The following FOXJ2 variants were observed in gnomAD, a reference collection of about 807,000 sequenced individuals.
FOXJ2 encodes the protein forkhead box J2.
In FOXJ2, 18 loss-of-function variants were observed where a neutral mutation model predicts 68.4. That is an observed-to-expected ratio of 0.26 (90% confidence interval 0.18 to 0.39). The LOEUF (loss-of-function observed/expected upper bound fraction) is 0.39. Ranked by LOEUF, FOXJ2 falls within the 10% of genes least tolerant of loss-of-function variation. The pLI, the probability that FOXJ2 is intolerant of heterozygous loss-of-function variation, is 1.00. For synonymous variants in FOXJ2, 274 were observed against 263.2 expected, an observed-to-expected ratio of 1.04 and a Z score of -0.40; for missense variants, 670 against 726.5, an observed-to-expected ratio of 0.92 and a Z score of 0.89.
chr12:8,036,904 C>T (rs1227032158), intron 1 of FOXJ2, among the ~76,000 whole-genome samples: 1 of 152,122 alleles, frequency 6.6e-6, no homozygotes, highest in Admixed American at 6.6e-5. Context: ...GCCAGGCCAA[C>T]ATGGTGAAAC....
At chr12:8,050,286 A>G (rs1947099384) in intron 9 of FOXJ2, 5 of 1,247,660 alleles carry the variant, frequency 4.0e-6, no homozygotes, top group Non-Finnish European at 5.0e-6. Flanking sequence ...CTGTGTTTCT[A>G]TATTTTTCTT....
chr12:8,048,370 G>T (rs775027256), intron 7 of FOXJ2, 81 bp downstream of exon 7: 59 of 1,496,714 alleles, frequency 3.9e-5, no homozygotes, highest in Non-Finnish European at 5.1e-5. Context: ...GGTGCAGTTA[G>T]TTAGGAAGTT....
At position 8,050,590 on chromosome 12, in the gene FOXJ2, A is replaced by G; in HGVS notation, c.1606A>G (p.Thr536Ala). 1 of 1,613,336 alleles carries G rather than the reference A, an allele frequency of 6.2e-7. No individual in the cohort carries two copies. The highest frequency in any genetic ancestry group is 8.5e-7 in the Non-Finnish European group (1 of 1,179,818). ...PGPSPMYPIP[T>A]QDSAGYNRPA... Reference sequence around the variant, plus strand: ...CCCATCACCAATGTACCCAATCCCCACCCAGGACTCAGCAGGATACAATCG... The same window carrying G: ...CCCATCACCAATGTACCCAATCCCCGCCCAGGACTCAGCAGGATACAATCG... Residue 536 changes from threonine (T) to alanine (A), a missense_variant, in exon 10 of 11, where the codon ACC (threonine) becomes GCC (alanine). Physicochemically the swap from Thr to Ala is moderately conservative, Grantham distance 58. Transcript: ENST00000162391.
At chr12:8,050,051 A>G (rs910197596) in intron 9 of FOXJ2, 2 of 180,210 alleles carry the variant, frequency 1.1e-5, no homozygotes, top group East Asian at 1.6e-4. Context: ...GCTCACTGCA[A>G]CCTTGACCCC....
chr12:8,037,187 G>A (rs765458596), intron 1 of FOXJ2, among the ~76,000 whole-genome samples: 1 of 152,328 alleles, frequency 6.6e-6, no homozygotes, highest in South Asian at 2.1e-4. Context: ...TAGAACCAAG[G>A]AACCTCAGTC....
intron 8 of FOXJ2, 72 bp downstream of exon 8, chr12:8,048,870 A>C (rs1473043926): frequency 2.0e-5 from 25 of 1,258,152 alleles, no homozygotes; most frequent in Non-Finnish European, 2.9e-5. Flanking sequence ...TGGAACCGGA[A>C]GGGGGTGGTT....
rs781729732 is a variant in FOXJ2 at position 8,053,274 on chromosome 12, C to T, written c.*424C>T. Reference sequence around the variant, plus strand: ...CTCAATGCTAATCCCACCTTTTGGCCCTAAATTGTTTTTTGTTCCCATCAG... The same window carrying T: ...CTCAATGCTAATCCCACCTTTTGGCTCTAAATTGTTTTTTGTTCCCATCAG... On this transcript the variant is annotated 3_prime_UTR_variant, in exon 11 of 11. Coordinates refer to ENST00000162391, the MANE Select transcript of FOXJ2 (RefSeq NM_018416.3). This position sits in a 1 kb window ranked among gnomAD's most constrained non-coding sequence, Gnocchi z 4.1. 2.0e-5 allele frequency: 3 copies of T among 152,494 alleles called. No homozygotes were observed. The highest frequency in any genetic ancestry group is 2.9e-5 in the Non-Finnish European group (2 of 68,038). The allele number at this position is 152,494 out of a possible 1,614,324, so 9.4% of individuals were successfully genotyped here.
intron 7 of FOXJ2, 28 bp downstream of exon 7, chr12:8,048,317 A>G (rs750843203): frequency 2.0e-6 from 3 of 1,521,904 alleles, no homozygotes; most frequent in Non-Finnish European, 2.6e-6. Context: ...ACAGTGATCT[A>G]GAGGAGGGTG....
intron 2 of FOXJ2, among the ~76,000 whole-genome samples, chr12:8,041,638 G>A (rs1946966866): frequency 6.6e-6 from 1 of 151,848 alleles, no homozygotes; most frequent in Admixed American, 6.6e-5. Context: ...AGCCTCCTGA[G>A]TAGCTGGGAC....
rs1387918808 is a variant in FOXJ2 at position 8,049,564 on chromosome 12, G to A, written c.1530G>A (p.Met510Ile). 6.2e-7 allele frequency: 1 copy of A among 1,600,470 alleles called. No homozygotes were observed. The highest frequency in any genetic ancestry group is 8.5e-7 in the Non-Finnish European group (1 of 1,170,284). The change falls in exon 9 of 11, where the codon ATG becomes ATA. Residue 510 changes from methionine (M) to isoleucine (I), a missense_variant. Coordinates refer to ENST00000162391, the MANE Select transcript of FOXJ2 (RefSeq NM_018416.3). ...ALTSGKQESA[M>I]SQVNSYGHPQ... Reference sequence around the variant, plus strand: ...CCAGTGGCAAACAGGAGTCAGCCATGAGCCAAGGTACTGCACCAAGCCAGT... The same window carrying A: ...CCAGTGGCAAACAGGAGTCAGCCATAAGCCAAGGTACTGCACCAAGCCAGT...
At chr12:8,051,046 C>CTT in intron 10 of FOXJ2, among the ~76,000 whole-genome samples, 1 of 133,934 alleles carries the variant, frequency 7.5e-6, no homozygotes, top group African/African-American at 2.8e-5. Flanking sequence ...TTCCCCTTCC[C>CTT]CTTCCCTTGC....
In FOXJ2 at chr12:8,049,474, G is replaced by A. The variant is rs775927089; in HGVS notation, c.1440G>A (p.Val480=). Residue 480 remains valine, a synonymous_variant, in exon 9 of 11, where the codon GTG becomes GTA. Coordinates refer to ENST00000162391, the MANE Select transcript of FOXJ2 (RefSeq NM_018416.3). ...ACTTCCTTACTCAGACTGGTCACGT[G>A]CCCCCTCAAGGGGGTACCCACCGCC... ...LNHFLTQTGH[V]PPQGGTHRPP... 5 of 1,614,010 alleles carry A rather than the reference G, an allele frequency of 3.1e-6. No individual in the cohort carries two copies. The African/African-American group carries it at 5.3e-5, about 17-fold the overall frequency.
At chr12:8,036,663 A>G (rs1229698540) in intron 1 of FOXJ2, among the ~76,000 whole-genome samples, 1 of 152,194 alleles carries the variant, frequency 6.6e-6, no homozygotes, top group Non-Finnish European at 1.5e-5. Context: ...GCCTCGTGCC[A>G]TTATTTTGGG....
chr12:8,048,767 T>C lies in FOXJ2; in HGVS notation c.1296T>C (p.Asn432=). The C allele has an allele frequency of 1.9e-6, 3 of 1,614,086 alleles. No homozygotes were observed. The highest frequency in any genetic ancestry group is 1.7e-6 in the Non-Finnish European group (2 of 1,180,016). ...GCTTCAAGATGGTGAATCGGCTCAA[T>C]TGGTCCAGCATTGAGCAGTCACAAT... is the stretch of plus-strand genomic sequence containing the variant. The part of the protein sequence containing the change: ...KESFKMVNRL[N]WSSIEQSQFS... Residue 432 remains asparagine, a synonymous_variant, in exon 8 of 11, where the codon AAT becomes AAC. Coordinates refer to ENST00000162391, the MANE Select transcript of FOXJ2 (RefSeq NM_018416.3).
At chr12:8,037,778 C>G (rs1946916661) in intron 1 of FOXJ2, among the ~76,000 whole-genome samples, 1 of 152,192 alleles carries the variant, frequency 6.6e-6, no homozygotes, top group Non-Finnish European at 1.5e-5. Flanking sequence ...GCTCAGATGA[C>G]CCAGCTACAG....
chr12:8,052,706 T>A, intron 10 of FOXJ2, 56 bp from the exon 11 acceptor site: 1 of 1,447,844 alleles, frequency 6.9e-7, no homozygotes, highest in Non-Finnish European at 9.5e-7. Context: ...CCTTGTAAAT[T>A]GAGGGAACAG....
rs1854864679 is a variant in FOXJ2 at position 8,038,678 on chromosome 12, A to G, written c.-14-1141A>G. Among the ~76,000 whole-genome samples the G allele has an allele frequency of 2.6e-5, 4 of 152,280 alleles. No individual in the cohort carries two copies. The South Asian group carries it at 8.3e-4, about 32-fold the overall frequency. On this transcript the variant is annotated intron_variant, in intron 1 of 10. Coordinates refer to ENST00000162391, the MANE Select transcript of FOXJ2 (RefSeq NM_018416.3). This position sits in a 1 kb window ranked among gnomAD's most constrained non-coding sequence, Gnocchi z 5.3. ...AGCCTTTCTAGACCCTGCAATACAG[A>G]TATCACCCATCGTTCTTCACCTTCC...
intron 6 of FOXJ2, among the ~76,000 whole-genome samples, chr12:8,045,366 A>G (rs1264997190): frequency 6.6e-6 from 1 of 150,864 alleles, no homozygotes; most frequent in East Asian, 2.0e-4. Flanking sequence ...CTACAGGCGC[A>G]TGCCACACCC....
intron 1 of FOXJ2, among the ~76,000 whole-genome samples, 192 bp downstream of exon 1, chr12:8,034,025 T>G (rs1179520707): frequency 6.6e-6 from 1 of 151,992 alleles, no homozygotes. Flanking sequence ...GAGAAATGGG[T>G]TTCTTAGTGT....
Sources: gnomAD v4.1 joint callset for allele counts (sites outside exome capture counted in the v4.1 genomes callset) on GRCh38, gnomAD v4.1.1 for gene constraint, Gnocchi (gnomAD v3.1) non-coding constraint, MANE v1.5 for transcripts, NCBI Gene and HGNC (gene_info 2026-07-23, HGNC 2026-07-21) for gene names.